The following ANK3 variants were observed in gnomAD, a reference collection of about 807,000 sequenced individuals.
ANK3 encodes the protein ankyrin-3.
ANK3 carries 57 observed loss-of-function variants against 370.9 expected under a neutral mutation model. That is an observed-to-expected ratio of 0.15 (90% CI 0.12 to 0.19). The LOEUF (loss-of-function observed/expected upper bound fraction) is 0.19. Ranked by LOEUF, ANK3 falls within the 10% of genes least tolerant of loss-of-function variation. The probability of loss-of-function intolerance (pLI) is 1.00; values close to 1 mark genes in which losing one functional copy is unlikely to be tolerated. For missense variants in ANK3, 4,439 were observed against 5,302.1 expected (o/e 0.84, Z 5.06); for synonymous variants, 1,929 against 1,946.3 (o/e 0.99, Z 0.23).
At position 60,459,631 on chromosome 10, in the gene ANK3, A is replaced by G. The variant is rs372277389; in HGVS notation, c.96+155555T>C. 3.9e-5 allele frequency among the ~76,000 whole-genome samples: 6 copies of G among 152,216 alleles called. No individual in the cohort carries two copies. In the East Asian group the frequency reaches 1.2e-3, roughly 29 times the overall value. ...CTTCTTTTGTCAGCTTTAATTAATGATGCCTGCTGGATTTTAAAACTGTTT... is the reference window on the plus strand; with the variant it reads ...CTTCTTTTGTCAGCTTTAATTAATGGTGCCTGCTGGATTTTAAAACTGTTT... On this transcript the variant is annotated intron_variant, in intron 2 of 43. Coordinates refer to the ANK3 transcript ENST00000373827.
At chr10:60,236,561 G>C (rs1310578617) in intron 7 of ANK3, among the ~76,000 whole-genome samples, 2 of 152,140 alleles carry the variant, frequency 1.3e-5, no homozygotes, top group Non-Finnish European at 2.9e-5. Flanking sequence ...ATGGGGAGTT[G>C]TTTAACATGT....
chr10:60,714,910 C>A, intron 1 of ANK3, among the ~76,000 whole-genome samples: 1 of 152,150 alleles, frequency 6.6e-6, no homozygotes, highest in East Asian at 1.9e-4. Flanking sequence ...ACGGAGAATA[C>A]AAGCATCATA....
At chr10:60,470,674 C>T (rs940828008) in intron 2 of ANK3, among the ~76,000 whole-genome samples, 2 of 151,990 alleles carry the variant, frequency 1.3e-5, no homozygotes, top group Non-Finnish European at 1.5e-5. Context: ...CCCAAAGCCC[C>T]GCTCTTACTG....
intron 11 of ANK3, 21 bp from the exon 12 acceptor site, chr10:60,203,121 T>C: frequency 6.3e-7 from 1 of 1,587,194 alleles, no homozygotes; most frequent in South Asian, 1.1e-5. Context: ...AAGAAGAAAA[T>C]GGTGGTTTGT....
chr10:60,073,524 A>G lies in ANK3; in HGVS notation c.7357T>C (p.Leu2453=), dbSNP rs765704358. 1.9e-5 allele frequency: 31 copies of G among 1,613,882 alleles called. No homozygotes were observed. The highest frequency in any genetic ancestry group is 2.6e-5 in the Non-Finnish European group (31 of 1,180,000). The change falls in exon 37 of 44, where the codon TTG becomes CTG. Residue 2453 remains leucine (L), a synonymous_variant. Transcript: ENST00000280772. ...QHSIEYHDDE[L]SELRGESYRF... is the part of the protein sequence containing the mutation. ...TAAGACTCCCCTCTTAGTTCTGACA[A>G]CTCATCGTCATGGTATTCTATTGAG... is the stretch of plus-strand genomic sequence containing the variant.
intron 1 of ANK3, among the ~76,000 whole-genome samples, chr10:60,714,633 C>A (rs1681426462): frequency 6.6e-6 from 1 of 152,076 alleles, no homozygotes; most frequent in Admixed American, 6.5e-5. Flanking sequence ...AGAAAAATAT[C>A]AATAGATGCA....
intron 1 of ANK3, among the ~76,000 whole-genome samples, chr10:60,379,420 G>GT (rs537228057): frequency 2.9e-4 from 44 of 152,140 alleles, no homozygotes; most frequent in African/African-American, 1.1e-3. Context: ...GCACTCCTAT[G>GT]TTTTTTTGCA....
intron 4 of ANK3, among the ~76,000 whole-genome samples, chr10:60,271,261 G>A (rs140900304): frequency 1.5e-3 from 227 of 152,014 alleles, no homozygotes; most frequent in African/African-American, 5.0e-3. Flanking sequence ...ATGGAGTGCC[G>A]GGGTATCGTC....
At chr10:60,604,632 C>G (rs2078106142) in intron 2 of ANK3, among the ~76,000 whole-genome samples, 1 of 152,008 alleles carries the variant, frequency 6.6e-6, no homozygotes, top group East Asian at 1.9e-4. Flanking sequence ...AAGCTAGCTA[C>G]TCAGTATATT....
intron 1 of ANK3, among the ~76,000 whole-genome samples, chr10:60,642,187 C>CTGTAAACTAG (rs2133352102): frequency 6.6e-6 from 1 of 151,408 alleles, no homozygotes; most frequent in South Asian, 2.1e-4. Flanking sequence ...GTTGGTGGGA[C>CTGTAAACTAG]TGTAAACTAG....
chr10:60,531,576 A>C (rs1422587402), intron 2 of ANK3, among the ~76,000 whole-genome samples: 1 of 152,036 alleles, frequency 6.6e-6, no homozygotes, highest in Non-Finnish European at 1.5e-5. Flanking sequence ...ATTAACTTTT[A>C]ATTTTAATAT....
At chr10:60,615,448 G>A (rs1021599480) in intron 1 of ANK3, among the ~76,000 whole-genome samples, 6 of 151,600 alleles carry the variant, frequency 4.0e-5, no homozygotes, top group African/African-American at 1.2e-4. Flanking sequence ...AAGAAAAGCA[G>A]GGACACCAAA....
chr10:60,369,848 A>G (rs921186302), intron 1 of ANK3, among the ~76,000 whole-genome samples: 1 of 152,296 alleles, frequency 6.6e-6, no homozygotes, highest in Non-Finnish European at 1.5e-5. Context: ...CTGATATACA[A>G]TGTCAGGTTA....
Position 60,071,450 on chromosome 10 carries a change from G to A in ANK3, c.9431C>T (p.Pro3144Leu), listed in dbSNP as rs866839799. ...AGTATCATCTTCTGGACTACCTTGG[G>A]GAGAAGGAGGTTGCTTTTGCTGTCT... is the stretch of plus-strand genomic sequence containing the variant. ...TTRQQKQPPS[P>L]QGSPEDDTLE... is the part of the protein sequence containing the mutation. The change falls in exon 37 of 44, where the codon CCC becomes CTC. Residue 3144 changes from proline to leucine, a missense_variant. Around this residue, in one of 13 missense-constraint regions of ANK3, gnomAD observed 1,601 missense variants for 1,731.7 expected, o/e 0.92. Coordinates refer to ENST00000280772, the MANE Select transcript of ANK3 (RefSeq NM_020987.5). 1.2e-6 allele frequency: 2 copies of A among 1,614,048 alleles called. No homozygotes were observed. The highest frequency in any genetic ancestry group is 1.7e-6 in the Non-Finnish European group (2 of 1,179,990).
chr10:60,710,675 T>G (rs1235510040), intron 1 of ANK3, among the ~76,000 whole-genome samples: 1 of 152,120 alleles, frequency 6.6e-6, no homozygotes, highest in Non-Finnish European at 1.5e-5. Flanking sequence ...TTGTTCAGGG[T>G]CACCTATATA....
intron 1 of ANK3, among the ~76,000 whole-genome samples, chr10:60,315,472 G>A (rs1002183702): frequency 6.6e-6 from 1 of 152,078 alleles, no homozygotes; most frequent in Admixed American, 6.6e-5. Flanking sequence ...GCTCACTAAG[G>A]TTGCAATGAT....
chr10:60,724,368 T>C (rs1167286985), intron 1 of ANK3, among the ~76,000 whole-genome samples: 1 of 152,108 alleles, frequency 6.6e-6, no homozygotes, highest in African/African-American at 2.4e-5. Context: ...TGATCTATTA[T>C]ACTTCAAAGT....
At chr10:60,421,258 A>G (rs2063772909) in intron 2 of ANK3, among the ~76,000 whole-genome samples, 1 of 152,142 alleles carries the variant, frequency 6.6e-6, no homozygotes, top group Non-Finnish European at 1.5e-5. Flanking sequence ...TAGTAGGGAT[A>G]GCTGTACAAC....
intron 1 of ANK3, among the ~76,000 whole-genome samples, chr10:60,363,779 A>G (rs1385177965): frequency 6.6e-6 from 1 of 152,236 alleles, no homozygotes; most frequent in Non-Finnish European, 1.5e-5. Context: ...TATGATGTAC[A>G]TATCAAAAAT....
Sources: allele counts gnomAD v4.1 joint callset (sites outside exome capture counted in the v4.1 genomes callset), GRCh38; gene constraint gnomAD v4.1.1; regional missense constraint gnomAD v4.1.1; transcripts MANE v1.5; gene names NCBI Gene and HGNC (gene_info 2026-07-23, HGNC 2026-07-21).